The following CD99L2 variants were observed in gnomAD, a reference collection of about 807,000 sequenced individuals.
The protein encoded by CD99L2 is CD99 molecule like 2.
In CD99L2, 24 loss-of-function variants were observed where a neutral mutation model predicts 27.3. That is an observed-to-expected ratio of 0.88 (90% CI 0.64 to 1.24). The LOEUF is 1.24. Ranked by LOEUF, CD99L2 falls within the 50% of genes most tolerant of loss-of-function variation. CD99L2 has a pLI of 0.00. For synonymous variants in CD99L2, 97 were observed against 87.9 expected (o/e 1.10, Z -0.58); for missense variants, 255 against 221.6 (o/e 1.15, Z -0.96).
intron 1 of CD99L2, among the ~76,000 whole-genome samples, chrX:150,864,161 T>A (rs1321051098): frequency 8.9e-6 from 1 of 112,046 alleles, no homozygotes; most frequent in African/African-American, 3.2e-5. Flanking sequence ...TAAGTTAATC[T>A]GACAGGCTTC....
At chrX:150,809,048 G>A (rs2046037287) in intron 4 of CD99L2, among the ~76,000 whole-genome samples, 1 of 110,929 alleles carries the variant, frequency 9.0e-6, no homozygotes. Context: ...CTTTGAAGAT[G>A]AAGGAAGTAA....
chrX:150,867,892 CAAAAAAAAAAAAAA>C (rs782516457), intron 1 of CD99L2, among the ~76,000 whole-genome samples: 391 of 19,269 alleles, frequency 0.02, 8 homozygotes, highest in Middle Eastern at 0.083. Context: ...GACTCTGTCT[CAAAAAAAAAAAAAA>C]AAAAAAAAAA....
At chrX:150,867,774 T>A (rs782036931) in intron 1 of CD99L2, among the ~76,000 whole-genome samples, 1 of 108,544 alleles carries the variant, frequency 9.2e-6, no homozygotes, top group African/African-American at 3.4e-5. Flanking sequence ...GTGCCTATAA[T>A]CCCAGCTACT....
At chrX:150,814,795 T>TG in intron 4 of CD99L2, 67 bp downstream of exon 4, 7 of 999,624 alleles carry the variant, frequency 7.0e-6, no homozygotes, top group Non-Finnish European at 9.9e-6. Flanking sequence ...ACTCTGGCTC[T>TG]GTGGGATGTT....
chrX:150,841,709 A>G (rs1463345473), intron 1 of CD99L2, among the ~76,000 whole-genome samples: 2 of 111,252 alleles, frequency 1.8e-5, no homozygotes, highest in Non-Finnish European at 3.8e-5. Context: ...ACATAACACA[A>G]TGTTGTGCTA....
At chrX:150,897,142 T>C (rs1011437163) in intron 1 of CD99L2, among the ~76,000 whole-genome samples, 1 of 112,739 alleles carries the variant, frequency 8.9e-6, no homozygotes, top group Admixed American at 9.4e-5. Flanking sequence ...AAATGCATTG[T>C]AAACAAAATA....
chrX:150,843,578 G>C (rs1241086561), intron 1 of CD99L2, among the ~76,000 whole-genome samples: 1 of 110,243 alleles, frequency 9.1e-6, no homozygotes, highest in African/African-American at 3.3e-5. Context: ...TTGAACCCAG[G>C]AGGCAGAGGT....
chrX:150,771,066 C>T (rs782402814), intron 9 of CD99L2, among the ~76,000 whole-genome samples: 11 of 112,350 alleles, frequency 9.8e-5, no homozygotes, highest in Non-Finnish European at 2.1e-4. Context: ...TTAGAGTGGA[C>T]CCCACCCCTG....
rs782545494 is a variant in CD99L2, at chrX:150,818,053, T to TAATAATTTTAAATAAAAAAAAAAAA, written c.131-1976_131-1975insTTTTTTTTTTTTATTTAAAATTATT. Among the ~76,000 whole-genome samples the TAATAATTTTAAATAAAAAAAAAAAA allele has an allele frequency of 4.7e-3, 498 of 106,678 alleles. 5 individuals are homozygous for TAATAATTTTAAATAAAAAAAAAAAA. The highest frequency in any genetic ancestry group is 0.015 in the African/African-American group (437 of 28,289). The allele number at this position is 106,678 out of a possible 115,157, so 92.6% of individuals were successfully genotyped here. On this transcript the variant is annotated intron_variant, in intron 2 of 10. Coordinates refer to ENST00000370377, the MANE Select transcript of CD99L2 (RefSeq NM_031462.4). ...AAAGGATCAATCCAAGAGGAAGACA[T>TAATAATTTTAAATAAAAAAAAAAAA]AATAATTTTAAATATATATGCACCT...
At chrX:150,814,705 A>T (rs1434468928) in intron 4 of CD99L2, among the ~76,000 whole-genome samples, 157 bp downstream of exon 4, 2 of 112,117 alleles carry the variant, frequency 1.8e-5, no homozygotes, top group Admixed American at 9.5e-5. Context: ...GGGAGTCCTG[A>T]GACAAAAAAG....
chrX:150,778,581 G>GC (rs1451187849), intron 7 of CD99L2, among the ~76,000 whole-genome samples: 1 of 106,216 alleles, frequency 9.4e-6, no homozygotes, highest in Non-Finnish European at 1.9e-5. Flanking sequence ...AAAAAATAAA[G>GC]CCTATTAAAA....
At position 150,850,882 on chromosome X, in the gene CD99L2, G is replaced by A. The variant is rs2046780737; in HGVS notation, c.68-19589C>T. 3.6e-5 allele frequency among the ~76,000 whole-genome samples: 4 copies of A among 110,623 alleles called. No individual in the cohort carries two copies. In the South Asian group the frequency reaches 1.6e-3, roughly 43 times the overall value. On this transcript the variant is annotated intron_variant, in intron 1 of 10. Coordinates refer to ENST00000370377, the MANE Select transcript of CD99L2 (RefSeq NM_031462.4). ...AGATGAAGTCTCGCTCTGTCACCCA[G>A]ACAGAAGTGCAGTGGCACGATCTCA...
In CD99L2 at chrX:150,770,333, A is replaced by G; in HGVS notation, c.692T>C (p.Leu231Pro). 1.7e-6 allele frequency: 2 copies of G among 1,212,122 alleles called. No homozygotes were observed. The highest frequency in any genetic ancestry group is 2.2e-6 in the Non-Finnish European group (2 of 895,465). Reference protein sequence around the residue: ...LNADYVKGENLEAVVCEEPQV... With the variant: ...LNADYVKGENPEAVVCEEPQV... ...GGGTTCCTCACATACCACGGCTTCC[A>G]GGTTCTCTCCCTTCACGTAGTCTGC... Residue 231 changes from leucine (L) to proline (P), a missense_variant, in exon 10 of 11, where the codon CTG (leucine) becomes CCG (proline). By Grantham distance (98) the Leu-to-Pro change is moderately conservative (BLOSUM62 -3). Transcript: ENST00000370377.
chrX:150,884,395 T>A (rs2047376996), intron 1 of CD99L2, among the ~76,000 whole-genome samples: 1 of 111,897 alleles, frequency 8.9e-6, no homozygotes, highest in African/African-American at 3.3e-5. Flanking sequence ...TATAAGTAGT[T>A]GGGCTGGGCA....
chrX:150,824,368 GAAGAAGAAGAAGA>G (rs1177021626), intron 2 of CD99L2, among the ~76,000 whole-genome samples: 4 of 87,772 alleles, frequency 4.6e-5, no homozygotes, highest in African/African-American at 1.7e-4. Flanking sequence ...GAAGGAAGAA[GAAGAAGAAGAAGA>G]AAGAAGAAGA....
intron 1 of CD99L2, among the ~76,000 whole-genome samples, chrX:150,891,242 A>G (rs2047507223): frequency 1.8e-5 from 2 of 112,434 alleles, no homozygotes; most frequent in African/African-American, 6.5e-5. Flanking sequence ...AACAATACCC[A>G]TTTATTATCT....
chrX:150,806,112 T>C (rs1557420224), intron 4 of CD99L2, among the ~76,000 whole-genome samples: 2 of 112,559 alleles, frequency 1.8e-5, no homozygotes, highest in East Asian at 5.6e-4. Flanking sequence ...GTTGTGATCT[T>C]ATACTATAGT....
chrX:150,795,692 G>A (rs782410164), intron 4 of CD99L2, among the ~76,000 whole-genome samples: 1 of 111,800 alleles, frequency 8.9e-6, no homozygotes, highest in Non-Finnish European at 1.9e-5. Context: ...TTCTTCAGGG[G>A]ATGGGGGTTA....
rs564708318 is a variant in CD99L2, at chrX:150,792,962, A to G, written c.496+729T>C. Reference sequence around the variant, plus strand: ...GACTATTCTGGGGTAACATGAGGGAACTTCTTTGTGGCGATGGAACAGTTC... The same window carrying G: ...GACTATTCTGGGGTAACATGAGGGAGCTTCTTTGTGGCGATGGAACAGTTC... On this transcript the variant is annotated intron_variant, in intron 7 of 10. Transcript: ENST00000370377. Among the ~76,000 whole-genome samples the G allele has an allele frequency of 8.9e-5, 10 of 111,899 alleles. No individual in the cohort carries two copies. The East Asian group carries it at 2.8e-3, about 32-fold the overall frequency.
Sources: allele counts gnomAD v4.1 joint callset (sites outside exome capture counted in the v4.1 genomes callset), GRCh38; gene constraint gnomAD v4.1.1; transcripts MANE v1.5; gene names NCBI Gene and HGNC (gene_info 2026-07-23, HGNC 2026-07-21).